The following RASSF3 variants were observed in gnomAD, a reference collection of about 807,000 sequenced individuals.
RASSF3 encodes Ras association domain family member 3.
Under a neutral mutation model 19.9 loss-of-function variants are expected in RASSF3, and 19 were observed. The observed-to-expected ratio is 0.96, with a 90% CI of 0.67 to 1.40. The LOEUF (loss-of-function observed/expected upper bound fraction) is 1.40. Among genes scored for constraint, RASSF3 ranks in the 40% most tolerant of loss-of-function variants. RASSF3 has a pLI of 0.00. For synonymous variants in RASSF3, 110 were observed against 104.2 expected (o/e 1.06, Z -0.34); for missense variants, 306 against 289.8 (o/e 1.06, Z -0.41).
intron 2 of RASSF3, among the ~76,000 whole-genome samples, chr12:64,591,086 C>T (rs939868318): frequency 6.6e-6 from 1 of 152,004 alleles, no homozygotes; most frequent in Non-Finnish European, 1.5e-5. Context: ...AATTCTGGTC[C>T]CACCTGATTT....
chr12:64,526,651 C>T (rs4964108), intron 1 of RASSF3, among the ~76,000 whole-genome samples: 16,233 of 152,072 alleles, frequency 0.11, 1,189 homozygotes, highest in Non-Finnish European at 0.16. Flanking sequence ...TCAAGCAATT[C>T]TCCCACCTCA....
At chr12:64,637,103 A>G (rs1871352214) in intron 1 of RASSF3, among the ~76,000 whole-genome samples, 1 of 152,172 alleles carries the variant, frequency 6.6e-6, no homozygotes, top group South Asian at 2.1e-4. Flanking sequence ...GTATAAAGCA[A>G]TCCAGAGGAG....
At chr12:64,597,113 T>A (rs1239170003) in intron 2 of RASSF3, among the ~76,000 whole-genome samples, 2 of 151,750 alleles carry the variant, frequency 1.3e-5, no homozygotes, top group East Asian at 3.9e-4. Flanking sequence ...ATCTGGTCAA[T>A]TTTTCTCCAT....
intron 1 of RASSF3, among the ~76,000 whole-genome samples, chr12:64,664,483 C>T (rs1238193729): frequency 1.3e-5 from 2 of 152,212 alleles, no homozygotes; most frequent in East Asian, 3.8e-4. Context: ...GCTGGGATTA[C>T]AGGCGTGAGC....
chr12:64,633,331 G>C (rs1294488728), intron 1 of RASSF3, among the ~76,000 whole-genome samples: 3 of 152,176 alleles, frequency 2.0e-5, no homozygotes, highest in Admixed American at 6.6e-5. Context: ...GGCCTAGTGG[G>C]AGGTATTGGA....
At chr12:64,605,178 G>A (rs1402117005) in intron 2 of RASSF3, among the ~76,000 whole-genome samples, 1 of 150,788 alleles carries the variant, frequency 6.6e-6, no homozygotes, top group Non-Finnish European at 1.5e-5. Context: ...TAGAGATGGG[G>A]TATCACCATG....
intron 1 of RASSF3, among the ~76,000 whole-genome samples, chr12:64,524,218 T>TTTTATTTATTTATTTA (rs59842662): frequency 7.3e-6 from 1 of 137,790 alleles, no homozygotes; most frequent in Non-Finnish European, 1.6e-5. Context: ...TGCCCGGCAA[T>TTTTATTTATTTATTTA]TTTATTTATT....
In RASSF3 at chr12:64,641,415, C is replaced by T. The variant is rs192080205; in HGVS notation, c.111+30672C>T. 2.2e-5 allele frequency among the ~76,000 whole-genome samples: 3 copies of T among 134,046 alleles called. No individual in the cohort carries two copies. The East Asian group carries it at 6.0e-4, about 27-fold the overall frequency. The allele number at this position is 134,046 out of a possible 152,430, so 87.9% of individuals were successfully genotyped here. A position where few individuals can be genotyped will look rare whatever the true frequency, so the allele number is the denominator to read the frequency against. ...TGTCTCACAGGCGCACACACACACA[C>T]GCGCGCGCGCGCGTTGAAAACAAAT... On this transcript the variant is annotated intron_variant, in intron 1 of 4. Transcript: ENST00000542104.
chr12:64,657,163 C>T (rs1872189220), intron 1 of RASSF3, among the ~76,000 whole-genome samples: 1 of 152,114 alleles, frequency 6.6e-6, no homozygotes, highest in African/African-American at 2.4e-5. Context: ...AGGCCCACGC[C>T]ACCACGTCTG....
At chr12:64,679,336 G>C (rs1343093711) in intron 1 of RASSF3, among the ~76,000 whole-genome samples, 1 of 152,196 alleles carries the variant, frequency 6.6e-6, no homozygotes, top group African/African-American at 2.4e-5. Context: ...TGGGATTACG[G>C]GCGTGAGCCA....
chr12:64,602,954 C>T (rs1370320538), intron 2 of RASSF3, among the ~76,000 whole-genome samples: 1 of 152,040 alleles, frequency 6.6e-6, no homozygotes, highest in Non-Finnish European at 1.5e-5. Context: ...CAAAAATTAG[C>T]TGGGCGTGGT....
chr12:64,610,251 A>T (rs946867569), upstream of RASSF3, among the ~76,000 whole-genome samples: 4 of 152,036 alleles, frequency 2.6e-5, no homozygotes, highest in Non-Finnish European at 5.9e-5. Flanking sequence ...GCCCCAGCAG[A>T]CGCAGCCCTA....
chr12:64,639,574 A>C (rs1388416918), intron 1 of RASSF3, among the ~76,000 whole-genome samples: 1 of 152,204 alleles, frequency 6.6e-6, no homozygotes, highest in Admixed American at 6.5e-5. Flanking sequence ...GGCATAAATC[A>C]TGACAAGGTC....
intron 2 of RASSF3, among the ~76,000 whole-genome samples, chr12:64,588,955 C>T (rs1869866322): frequency 6.6e-6 from 1 of 152,104 alleles, no homozygotes; most frequent in Non-Finnish European, 1.5e-5. Context: ...CTTCTAATTC[C>T]TATAATTTTT....
chr12:64,538,507 T>C (rs1002152296), intron 1 of RASSF3, among the ~76,000 whole-genome samples: 2 of 152,210 alleles, frequency 1.3e-5, no homozygotes, highest in Non-Finnish European at 2.9e-5. Context: ...TGACTTTCCA[T>C]CTTCAGCTCT....
At chr12:64,689,231 G>GTGTGTGTGTA (rs1873482855) in intron 3 of RASSF3, among the ~76,000 whole-genome samples, 2 of 151,682 alleles carry the variant, frequency 1.3e-5, no homozygotes. Context: ...GTGTGTGTGT[G>GTGTGTGTGTA]TGTGTGTGTG....
chr12:64,620,180 G>A (rs1407709205), intron 1 of RASSF3, among the ~76,000 whole-genome samples: 1 of 152,036 alleles, frequency 6.6e-6, no homozygotes, highest in Admixed American at 6.6e-5. Context: ...CTAGATAAGT[G>A]AATTTGTGTA....
chr12:64,639,665 C>T (rs992778693), intron 1 of RASSF3, among the ~76,000 whole-genome samples: 9 of 152,176 alleles, frequency 5.9e-5, no homozygotes, highest in South Asian at 2.1e-4. Flanking sequence ...TCAAGTTGCC[C>T]AGGTGTAGTT....
chr12:64,552,874 T>G (rs1243806695), intron 2 of RASSF3, among the ~76,000 whole-genome samples: 1 of 152,088 alleles, frequency 6.6e-6, no homozygotes, highest in African/African-American at 2.4e-5. Flanking sequence ...TGGAGTGCAA[T>G]GGCGCAATCT....
Sources: gnomAD v4.1 joint callset for allele counts (sites outside exome capture counted in the v4.1 genomes callset) on GRCh38, gnomAD v4.1.1 for gene constraint, MANE v1.5 for transcripts, NCBI Gene and HGNC (gene_info 2026-07-23, HGNC 2026-07-21) for gene names.